The following ADGRE2 variants were observed in gnomAD, a reference collection of about 807,000 sequenced individuals.
ADGRE2 encodes adhesion G protein-coupled receptor E2.
Under a neutral mutation model 100.8 loss-of-function variants are expected in ADGRE2, and 83 were observed. That is an observed-to-expected ratio of 0.82 (90% confidence interval 0.69 to 0.99). ADGRE2 has a LOEUF of 0.99. Ranked by LOEUF, ADGRE2 falls within the 50% of genes least tolerant of loss-of-function variation. ADGRE2 has a pLI of 0.00. For synonymous variants in ADGRE2, 355 were observed against 413.0 expected (o/e 0.86, Z 1.70); for missense variants, 814 against 1,035.7 (o/e 0.79, Z 2.94).
At chr19:14,725,723 G>A in the ADGRE2 span, among the ~76,000 whole-genome samples, 4 of 152,334 alleles carry the variant, frequency 2.6e-5, no homozygotes, top group East Asian at 1.9e-4. Context: ...CATGTCCTGC[G>A]TCAAGACACA....
chr19:14,766,194 T>C (rs1292943184), intron 7 of ADGRE2, 41 bp downstream of exon 7: 2 of 1,613,968 alleles, frequency 1.2e-6, no homozygotes, highest in South Asian at 2.2e-5. Flanking sequence ...TGTGATCAGA[T>C]GTTTGTGGGT....
intron 14 of ADGRE2, among the ~76,000 whole-genome samples, chr19:14,754,439 T>TTACC (rs2043411534): frequency 7.9e-6 from 1 of 126,248 alleles, no homozygotes; most frequent in Admixed American, 8.0e-5. Context: ...CAGGCAGAAA[T>TTACC]TATCTATCTA....
chr19:14,746,214 C>A lies in ADGRE2; in HGVS notation c.2183+18G>T. On this transcript the variant is annotated intron_variant, in intron 18 of 20. Coordinates refer to ENST00000315576, the MANE Select transcript of ADGRE2 (RefSeq NM_013447.4). ...ACCATACATGTCTGTGTGGTTATCA[C>A]CCCCTTCTCCATCTTACCTTGTGTT... 5 of 1,451,934 alleles carry A rather than the reference C, an allele frequency of 3.4e-6. No homozygotes were observed. Among genetic ancestry groups the A allele is most frequent in the South Asian group, 1.1e-5 (1 of 87,058 alleles). 89.9% of individuals were successfully genotyped at this position (1,451,934 alleles called of 1,614,324 possible).
At chr19:14,747,485 G>A (rs1491001509) in intron 16 of ADGRE2, among the ~76,000 whole-genome samples, 6 of 152,012 alleles carry the variant, frequency 3.9e-5, no homozygotes, top group Non-Finnish European at 8.8e-5. Flanking sequence ...GGGCAACAGA[G>A]CAAGACCTAT....
chr19:14,752,304 C>A (rs1335521329), intron 15 of ADGRE2, 25 bp downstream of exon 15: 3 of 1,613,592 alleles, frequency 1.9e-6, no homozygotes, highest in South Asian at 2.2e-5. Flanking sequence ...AGGAAGGGAG[C>A]CCTCTGGAAC....
chr19:14,730,143 C>A (rs1213828438), downstream of ADGRE2, among the ~76,000 whole-genome samples: 1 of 152,186 alleles, frequency 6.6e-6, no homozygotes, highest in Non-Finnish European at 1.5e-5. Context: ...ACCTCTGCCT[C>A]CCAGGTTCAA....
At chr19:14,731,158 T>C (rs1422429151), downstream of ADGRE2, 2 of 1,533,586 alleles carry the variant, frequency 1.3e-6, no homozygotes, top group South Asian at 1.2e-5. Flanking sequence ...TCTTCCTCCT[T>C]ATAATTCCCT....
chr19:14,743,720 A>C lies in ADGRE2; in HGVS notation c.2248T>G (p.Leu750Val). 1 of 1,614,208 alleles carries C rather than the reference A, an allele frequency of 6.2e-7. No homozygotes were observed. The highest frequency in any genetic ancestry group is 8.5e-7 in the Non-Finnish European group (1 of 1,180,018). Residue 750 changes from leucine (L) to valine (V), a missense_variant, in exon 19 of 21, where the codon TTG becomes GTG. Leu to Val is a conservative substitution (Grantham distance 32). Around this residue, in one of 5 missense-constraint regions of ADGRE2, gnomAD observed 569 missense variants for 692.7 expected, o/e 0.82. Transcript: ENST00000315576. ...ILGCTWCLGI[L>V]QVGPAARVMA... ...ACCCGGGCAGCCGGACCCACCTGCA[A>C]GATGCCCAGACACCACGTGCAGCCC...
At chr19:14,763,034 A>G (rs1161743298) in intron 11 of ADGRE2, among the ~76,000 whole-genome samples, 1 of 152,162 alleles carries the variant, frequency 6.6e-6, no homozygotes, top group Admixed American at 6.5e-5. Flanking sequence ...ATGCATTTTC[A>G]TGCTTTAAAA....
downstream of ADGRE2, among the ~76,000 whole-genome samples, chr19:14,728,867 T>G (rs1200244908): frequency 1.3e-5 from 2 of 151,812 alleles, no homozygotes; most frequent in East Asian, 3.9e-4. Context: ...GCCAGGGGGG[T>G]TTTATATCCT....
In ADGRE2 at chr19:14,767,395, T is replaced by C. The variant is rs951280687; in HGVS notation, c.356-286A>G. On this transcript the variant is annotated intron_variant, in intron 5 of 20. Coordinates refer to ENST00000315576, the MANE Select transcript of ADGRE2 (RefSeq NM_013447.4). ...CTGGGACTACAGGCGCCCGCCACCA[T>C]GCCCGGCTAATTTTTTGTATTTTTA... 3.9e-5 allele frequency among the ~76,000 whole-genome samples: 6 copies of C among 152,000 alleles called. No individual in the cohort carries two copies. In the East Asian group the frequency reaches 5.8e-4, roughly 15 times the overall value.
At chr19:14,754,749 C>T (rs2043427959) in intron 14 of ADGRE2, among the ~76,000 whole-genome samples, 1 of 152,140 alleles carries the variant, frequency 6.6e-6, no homozygotes, top group Non-Finnish European at 1.5e-5. Context: ...GACCTCAAGT[C>T]TCAGATGAAA....
At chr19:14,749,396 AATATAATTATTTATAGTT>A (rs961897662) in intron 16 of ADGRE2, among the ~76,000 whole-genome samples, 1 of 140,896 alleles carries the variant, frequency 7.1e-6, no homozygotes, top group African/African-American at 2.5e-5. Flanking sequence ...ATAGTTATAT[AATATAATTATTTATAGTT>A]ATATAATTAT....
intron 5 of ADGRE2, chr19:14,772,033 T>A: frequency 4.8e-6 from 2 of 413,960 alleles, no homozygotes; most frequent in Non-Finnish European, 8.9e-6. Flanking sequence ...AGGCCATTAT[T>A]ATCATCCTCA....
At chr19:14,764,340 T>G in intron 11 of ADGRE2, 93 bp downstream of exon 11, 1 of 1,131,266 alleles carries the variant, frequency 8.8e-7, no homozygotes, top group South Asian at 1.3e-5. Flanking sequence ...AACACTGATA[T>G]ACAGGTGTGG....
chr19:14,754,880 A>T (rs199822123), intron 14 of ADGRE2, 74 bp downstream of exon 14: 6 of 1,522,544 alleles, frequency 3.9e-6, no homozygotes, highest in Non-Finnish European at 5.4e-6. Context: ...ATATTTTTTT[A>T]AAAGGCTGCT....
rs1356216355 is a variant in ADGRE2 at position 14,774,071 on chromosome 19, C to A, written c.83-17G>T. On this transcript the variant is annotated splice_polypyrimidine_tract_variant and intron_variant, in intron 3 of 20. Coordinates refer to ENST00000315576, the MANE Select transcript of ADGRE2 (RefSeq NM_013447.4). ...GGGCACAGCCTGCAAGAGCAGGGAG[C>A]ACGGTCAGAAGGTGAGGGGTAAGGG... 1 of 1,609,958 alleles carries A rather than the reference C, an allele frequency of 6.2e-7. No individual in the cohort carries two copies. The highest frequency in any genetic ancestry group is 1.3e-5 in the African/African-American group (1 of 74,752).
Position 14,753,503 on chromosome 19 carries a change from A to G in ADGRE2, c.1591-977T>C, listed in dbSNP as rs143336697. ...TCTACTCTAAGTGATGAGATAAGAA[A>G]GTCAGGTGGGCGAGGTGTGGTGGTT... On this transcript the variant is annotated intron_variant, in intron 14 of 20. Coordinates refer to ENST00000315576, the MANE Select transcript of ADGRE2 (RefSeq NM_013447.4). Among the ~76,000 whole-genome samples the G allele has an allele frequency of 4.6e-3, 704 of 152,178 alleles. 6 individuals are homozygous for G. The highest frequency in any genetic ancestry group is 0.016 in the African/African-American group (669 of 41,526).
At chr19:14,762,842 C>G (rs915671656) in intron 11 of ADGRE2, among the ~76,000 whole-genome samples, 1 of 151,922 alleles carries the variant, frequency 6.6e-6, no homozygotes, top group Non-Finnish European at 1.5e-5. Context: ...TGGGGTTTCA[C>G]TATGTTGGCC....
Sources: allele counts gnomAD v4.1 joint callset (sites outside exome capture counted in the v4.1 genomes callset), GRCh38; gene constraint gnomAD v4.1.1; regional missense constraint gnomAD v4.1.1; transcripts MANE v1.5; gene names NCBI Gene and HGNC (gene_info 2026-07-23, HGNC 2026-07-21).